Variants in SETBP1 observed in about 807,000 individuals in gnomAD.
The protein encoded by SETBP1 is SET-binding protein.
In SETBP1, 9 loss-of-function variants were observed where a neutral mutation model predicts 101.0. That is an observed-to-expected ratio of 0.09 (90% CI 0.05 to 0.16). The LOEUF (loss-of-function observed/expected upper bound fraction) is 0.16, where lower values mean the gene tolerates loss of function less well. Ranked by LOEUF, SETBP1 falls within the 10% of genes least tolerant of loss-of-function variation. The probability of loss-of-function intolerance (pLI) is 1.00; values close to 1 mark genes in which losing one functional copy is unlikely to be tolerated. For synonymous variants in SETBP1, 818 were observed against 788.5 expected (o/e 1.04, Z -0.63); for missense variants, 1,858 against 2,033.8 (o/e 0.91, Z 1.66).
At chr18:44,948,451 T>C (rs1264747597) in intron 3 of SETBP1, among the ~76,000 whole-genome samples, 2 of 151,694 alleles carry the variant, frequency 1.3e-5, no homozygotes, top group African/African-American at 4.9e-5. Flanking sequence ...GCATAAGTTC[T>C]ATAGCTTCAA....
intron 4 of SETBP1, among the ~76,000 whole-genome samples, chr18:44,961,720 A>G (rs1194327777): frequency 6.6e-6 from 1 of 152,198 alleles, no homozygotes; most frequent in Non-Finnish European, 1.5e-5. Flanking sequence ...AAGAGGTAAG[A>G]GATTTCAGGT....
chr18:44,704,373 A>G (rs1325551753), intron 2 of SETBP1, among the ~76,000 whole-genome samples: 2 of 152,246 alleles, frequency 1.3e-5, no homozygotes, highest in African/African-American at 4.8e-5. Context: ...TGGAGGGGAC[A>G]GAGAGGAAGA....
chr18:44,682,592 G>A (rs1288746500), intron 1 of SETBP1, among the ~76,000 whole-genome samples: 1 of 152,204 alleles, frequency 6.6e-6, no homozygotes, highest in Admixed American at 6.5e-5. Context: ...GTGAGGTGCT[G>A]TGTTTTCCCC....
intron 3 of SETBP1, among the ~76,000 whole-genome samples, chr18:44,905,253 G>A (rs2070145944): frequency 6.6e-6 from 1 of 152,184 alleles, no homozygotes; most frequent in Non-Finnish European, 1.5e-5. Flanking sequence ...TGTTCAGGGA[G>A]AGAAGATGAC....
Position 44,830,331 on chromosome 18 carries a change from A to G in SETBP1, c.487-38899A>G, listed in dbSNP as rs918492384. ...GAAGTGCTGCTGCAGTTTAAAAACT[A>G]AATTCTTGTGCAAAACAGTGACCTT... On this transcript the variant is annotated intron_variant, in intron 2 of 5. Transcript: ENST00000649279. Among the ~76,000 whole-genome samples the G allele has an allele frequency of 3.3e-5, 5 of 152,242 alleles. No individual in the cohort carries two copies. The South Asian group carries it at 1.0e-3, about 31-fold the overall frequency.
At chr18:44,983,401 A>C (rs1018307332) in intron 4 of SETBP1, among the ~76,000 whole-genome samples, 1 of 152,128 alleles carries the variant, frequency 6.6e-6, no homozygotes, top group African/African-American at 2.4e-5. Flanking sequence ...CAGCTCTAAG[A>C]ACTAGGGACA....
chr18:45,004,017 C>A (rs1186098614), intron 4 of SETBP1, among the ~76,000 whole-genome samples: 1 of 152,122 alleles, frequency 6.6e-6, no homozygotes, highest in Non-Finnish European at 1.5e-5. Flanking sequence ...TGAGTAGAAG[C>A]CAGGGATGCT....
At position 44,951,985 on chromosome 18, in the gene SETBP1, C is replaced by A. The variant is rs756648583; in HGVS notation, c.2645C>A (p.Ala882Glu). 1 of 1,614,044 alleles carries A rather than the reference C, an allele frequency of 6.2e-7. No homozygotes were observed. Residue 882 changes from alanine (A) to glutamate (E), a missense_variant, in exon 4 of 6, where the codon GCG becomes GAG. Ala to Glu is a moderately radical substitution (Grantham distance 107). Transcript: ENST00000649279. This position sits in a 1 kb window ranked among gnomAD's most constrained non-coding sequence, Gnocchi z 7.8. ...GACAACAACAGCACTTCTGACCAAG[C>A]GGAGAAGAGCTCAGAATCCCGAAGG... Reference protein sequence around the residue: ...GTDNNSTSDQAEKSSESRRRY... With the variant: ...GTDNNSTSDQEEKSSESRRRY...
chr18:44,698,546 C>T (rs1379432597), intron 1 of SETBP1, among the ~76,000 whole-genome samples: 2 of 152,178 alleles, frequency 1.3e-5, no homozygotes, highest in African/African-American at 2.4e-5. Context: ...CGTGGCCTCA[C>T]GTCTTCCCTT....
intron 2 of SETBP1, among the ~76,000 whole-genome samples, chr18:44,757,844 T>A (rs538052449): frequency 7.0e-6 from 1 of 142,230 alleles, no homozygotes; most frequent in South Asian, 2.3e-4. Flanking sequence ...GTAGATCAAG[T>A]AACATTAATT....
chr18:44,934,065 C>T (rs1170506536), intron 3 of SETBP1, among the ~76,000 whole-genome samples: 1 of 152,112 alleles, frequency 6.6e-6, no homozygotes, highest in Admixed American at 6.5e-5. Context: ...CATCTTGGAA[C>T]CTCCTGTGAT....
At chr18:44,968,968 GATTTCTTGCTGAC>G (rs938705030) in intron 4 of SETBP1, among the ~76,000 whole-genome samples, 1 of 152,140 alleles carries the variant, frequency 6.6e-6, no homozygotes, top group Non-Finnish European at 1.5e-5. Flanking sequence ...CCTTTGCTCG[GATTTCTTGCTGAC>G]ATTTCTTTTT....
At chr18:44,956,288 A>G (rs560533602) in intron 4 of SETBP1, among the ~76,000 whole-genome samples, 2 of 152,198 alleles carry the variant, frequency 1.3e-5, no homozygotes, top group South Asian at 4.2e-4. Context: ...TATCTTTAGC[A>G]TCACATAGAA....
intron 2 of SETBP1, among the ~76,000 whole-genome samples, chr18:44,863,868 G>T (rs1430843680): frequency 6.6e-6 from 1 of 152,128 alleles, no homozygotes; most frequent in Non-Finnish European, 1.5e-5. Flanking sequence ...ATGACTTGGA[G>T]TATCCCCAGG....
Position 45,064,004 on chromosome 18 carries a change from C to G in SETBP1, c.*306C>G. The stretch of plus-strand genomic sequence containing the variant: ...CCCCAGGAGGAGCAGGCTGGTGGCA[C>G]TCTCCTGACCTCACGCTGCCAAGGT... On this transcript the variant is annotated 3_prime_UTR_variant, in exon 6 of 6. Transcript: ENST00000649279. 3.5e-6 allele frequency: 1 copy of G among 283,228 alleles called. No individual in the cohort carries two copies. 17.5% of individuals were successfully genotyped at this position (283,228 alleles called of 1,614,324 possible).
chr18:44,732,349 G>A (rs1311821662), intron 2 of SETBP1, among the ~76,000 whole-genome samples: 1 of 152,164 alleles, frequency 6.6e-6, no homozygotes, highest in African/African-American at 2.4e-5. Context: ...AACCCCTGAT[G>A]TCTTCTGCAT....
At chr18:45,031,187 C>T (rs1223069625) in intron 4 of SETBP1, among the ~76,000 whole-genome samples, 8 of 152,100 alleles carry the variant, frequency 5.3e-5, no homozygotes, top group Non-Finnish European at 1.0e-4. Flanking sequence ...TTCTCTTCTG[C>T]GTTCTTTCAT....
chr18:45,006,362 G>A (rs1423532930), intron 4 of SETBP1, among the ~76,000 whole-genome samples: 1 of 152,188 alleles, frequency 6.6e-6, no homozygotes, highest in Non-Finnish European at 1.5e-5. Context: ...TTCGTTCAGA[G>A]TCTTTGCAAC....
rs2073920973 is a variant in SETBP1, at chr18:45,063,471, C to G, written c.4564C>G (p.Leu1522Val). 1.4e-6 allele frequency: 2 copies of G among 1,453,498 alleles called. No individual in the cohort carries two copies. Among genetic ancestry groups the G allele is most frequent in the African/African-American group, 2.9e-5 (2 of 68,818 alleles). The allele number at this position is 1,453,498 out of a possible 1,614,324, so 90.0% of individuals were successfully genotyped here. The change falls in exon 6 of 6, where the codon CTG becomes GTG. Residue 1522 changes from leucine to valine, a missense_variant. Coordinates refer to ENST00000649279, the MANE Select transcript of SETBP1 (RefSeq NM_015559.3). Reference sequence around the variant, plus strand: ...CCACATGGCCCGGGAGGCGCCGCCCCTGCCCCCGCCACCGCCGCCGCCCCT... The same window carrying G: ...CCACATGGCCCGGGAGGCGCCGCCCGTGCCCCCGCCACCGCCGCCGCCCCT... The part of the protein sequence containing the change: ...VIHMAREAPP[L>V]PPPPPPPLPP...
Sources: gnomAD v4.1 joint callset for allele counts (sites outside exome capture counted in the v4.1 genomes callset) on GRCh38, gnomAD v4.1.1 for gene constraint, Gnocchi (gnomAD v3.1) non-coding constraint, MANE v1.5 for transcripts, NCBI Gene and HGNC (gene_info 2026-07-23, HGNC 2026-07-21) for gene names.